Variants in COL5A2 observed in about 807,000 individuals in gnomAD.
COL5A2 encodes the protein collagen type V alpha 2 chain, also known as collagen alpha-2(V) chain.
COL5A2 carries 23 observed loss-of-function variants against 208.2 expected under a neutral mutation model. The ratio of observed to expected loss-of-function variants is 0.11; its 90% CI spans 0.08 to 0.16. The LOEUF (loss-of-function observed/expected upper bound fraction) is 0.16. Ranked by LOEUF, COL5A2 falls within the 10% of genes least tolerant of loss-of-function variation. The pLI, the probability that COL5A2 is intolerant of heterozygous loss-of-function variation, is 1.00. For synonymous variants in COL5A2, 625 were observed against 628.5 expected (o/e 0.99, Z 0.08); for missense variants, 1,590 against 1,956.4 (o/e 0.81, Z 3.53).
intron 1 of COL5A2, among the ~76,000 whole-genome samples, chr2:189,117,078 G>GA (rs1687406148): frequency 6.8e-6 from 1 of 147,568 alleles, no homozygotes; most frequent in Non-Finnish European, 1.5e-5. Flanking sequence ...ACTTAAAATG[G>GA]AAAAAATAGA....
intron 18 of COL5A2, 27 bp downstream of exon 18, chr2:189,072,013 T>A: frequency 6.9e-7 from 1 of 1,451,318 alleles, no homozygotes; most frequent in Non-Finnish European, 9.6e-7. Flanking sequence ...TAGCGTTAAA[T>A]ACTGTATATT....
the COL5A2 span, among the ~76,000 whole-genome samples, chr2:189,290,466 G>A: frequency 2.6e-5 from 4 of 152,154 alleles, no homozygotes; most frequent in Non-Finnish European, 4.4e-5. Context: ...GCCCAGTAAT[G>A]TAGAATGCTG....
At chr2:189,189,277 C>T (rs147571244) in intron 1 of COL5A2, among the ~76,000 whole-genome samples, 1 of 152,272 alleles carries the variant, frequency 6.6e-6, no homozygotes, top group African/African-American at 2.4e-5. Flanking sequence ...TGGGAGACGG[C>T]CAGCAGTGAT....
chr2:189,401,283 T>C, the COL5A2 span, among the ~76,000 whole-genome samples: 1 of 152,168 alleles, frequency 6.6e-6, no homozygotes, highest in Non-Finnish European at 1.5e-5. Flanking sequence ...TTCTCATCAT[T>C]CAGCTGCCAC....
At chr2:189,232,882 T>C in the COL5A2 span, among the ~76,000 whole-genome samples, 1 of 151,804 alleles carries the variant, frequency 6.6e-6, no homozygotes, top group Non-Finnish European at 1.5e-5. Flanking sequence ...TTGAGAACTA[T>C]GAGAAATAAA....
At chr2:189,212,799 C>A (rs776697625) in intron 1 of COL5A2, among the ~76,000 whole-genome samples, 2 of 151,162 alleles carry the variant, frequency 1.3e-5, no homozygotes, top group African/African-American at 4.9e-5. Context: ...GAGGGGGAAA[C>A]AAGAGAATCA....
upstream of COL5A2, among the ~76,000 whole-genome samples, chr2:189,226,572 C>T (rs1054958314): frequency 3.9e-5 from 6 of 152,164 alleles, no homozygotes; most frequent in Non-Finnish European, 7.4e-5. Flanking sequence ...CTAGCCCATA[C>T]ATCCAATGTT....
At chr2:189,380,024 G>A in the COL5A2 span, among the ~76,000 whole-genome samples, 62 of 151,682 alleles carry the variant, frequency 4.1e-4, 1 homozygote, top group African/African-American at 1.2e-3. Flanking sequence ...CTCTTAAAGG[G>A]AGTGAAATAT....
At chr2:189,428,637 A>T in the COL5A2 span, among the ~76,000 whole-genome samples, 1 of 151,788 alleles carries the variant, frequency 6.6e-6, no homozygotes, top group Non-Finnish European at 1.5e-5. Context: ...ATAAAAAAGT[A>T]TGAAGCACTT....
Position 189,033,733 on chromosome 2 carries a change from A to G in COL5A2, c.*337T>C. ...GAAGAAGAATTTCCTCATAAATACT[A>G]AGCAACTTTTTCATTACACTGAAAT... On this transcript the variant is annotated 3_prime_UTR_variant, in exon 54 of 54. Coordinates refer to ENST00000374866, the MANE Select transcript of COL5A2 (RefSeq NM_000393.5). 1 of 328,654 alleles carries G rather than the reference A, an allele frequency of 3.0e-6. No individual in the cohort carries two copies. The highest frequency in any genetic ancestry group is 5.8e-6 in the Non-Finnish European group (1 of 171,920). 20.4% of individuals were successfully genotyped at this position (328,654 alleles called of 1,614,324 possible).
chr2:189,210,145 A>T (rs921748096), intron 1 of COL5A2, among the ~76,000 whole-genome samples: 4 of 152,224 alleles, frequency 2.6e-5, no homozygotes, highest in Admixed American at 1.3e-4. Context: ...AACAAAATGT[A>T]TGTGGCATGA....
At chr2:189,120,485 C>A (rs1487391473) in intron 1 of COL5A2, among the ~76,000 whole-genome samples, 1 of 151,980 alleles carries the variant, frequency 6.6e-6, no homozygotes, top group South Asian at 2.1e-4. Context: ...TTCCTAGAAT[C>A]CAAAACAAAA....
intron 24 of COL5A2, 62 bp downstream of exon 24, chr2:189,064,942 G>GA: frequency 1.3e-6 from 2 of 1,528,718 alleles, no homozygotes; most frequent in Non-Finnish European, 1.8e-6. Context: ...TCACCGTGCT[G>GA]AAAAATGGCA....
the COL5A2 span, among the ~76,000 whole-genome samples, chr2:189,342,520 A>ATATAT: frequency 6.7e-6 from 1 of 148,976 alleles, no homozygotes; most frequent in South Asian, 2.1e-4. Context: ...CATATATATA[A>ATATAT]ACCCAAAAAA....
chr2:189,363,326 G>A, the COL5A2 span, among the ~76,000 whole-genome samples: 1 of 151,936 alleles, frequency 6.6e-6, no homozygotes, highest in Non-Finnish European at 1.5e-5. Flanking sequence ...TCAGGTCCAG[G>A]AAGCATATTT....
intron 1 of COL5A2, among the ~76,000 whole-genome samples, chr2:189,160,305 C>T (rs931251487): frequency 3.9e-5 from 6 of 152,128 alleles, no homozygotes; most frequent in Admixed American, 3.9e-4. Context: ...TTTGTAGAGG[C>T]AGAAGACACC....
the COL5A2 span, among the ~76,000 whole-genome samples, chr2:189,419,072 T>C: frequency 1.3e-5 from 2 of 152,192 alleles, no homozygotes; most frequent in South Asian, 4.1e-4. Context: ...AATCCTCTTG[T>C]TGATCCTCAG....
chr2:189,413,500 T>C, the COL5A2 span, among the ~76,000 whole-genome samples: 1 of 152,162 alleles, frequency 6.6e-6, no homozygotes, highest in African/African-American at 2.4e-5. Context: ...AATAGTCCAC[T>C]GAGGTCTTCT....
chr2:189,329,976 A>C, the COL5A2 span, among the ~76,000 whole-genome samples: 1 of 152,232 alleles, frequency 6.6e-6, no homozygotes, highest in East Asian at 1.9e-4. Context: ...GAAACATAGC[A>C]GGAAGAACAA....
Sources: allele counts gnomAD v4.1 joint callset (sites outside exome capture counted in the v4.1 genomes callset), GRCh38; gene constraint gnomAD v4.1.1; transcripts MANE v1.5; gene names NCBI Gene and HGNC (gene_info 2026-07-23, HGNC 2026-07-21).